KIF1A: variants seen among roughly 807,000 people sequenced by gnomAD.
KIF1A encodes kinesin family member 1A, also known as kinesin-like protein KIF1A.
A neutral mutation model predicts 227.3 loss-of-function variants in KIF1A; 46 were observed. The ratio of observed to expected loss-of-function variants is 0.20; its 90% confidence interval spans 0.16 to 0.26. The LOEUF is 0.26. Ranked by LOEUF, KIF1A falls within the 10% of genes least tolerant of loss-of-function variation. KIF1A has a pLI of 1.00. For missense variants in KIF1A, 1,683 were observed against 2,485.9 expected (o/e 0.68, Z 6.87); for synonymous variants, 1,022 against 1,012.8 (o/e 1.01, Z -0.17).
chr2:240,733,122 CCACAGGATGTGG>C (rs1458064913), intron 38 of KIF1A, among the ~76,000 whole-genome samples: 1 of 151,870 alleles, frequency 6.6e-6, no homozygotes, highest in African/African-American at 2.4e-5. Flanking sequence ...GCCTTTAATC[CCACAGGATGTGG>C]CTCACATGAG....
Position 240,726,864 on chromosome 2 carries a change from G to T in KIF1A, c.4084C>A (p.Arg1362=). 1 of 1,612,520 alleles carries T rather than the reference G, an allele frequency of 6.2e-7. No individual in the cohort carries two copies. Among genetic ancestry groups the T allele is most frequent in the Non-Finnish European group, 8.5e-7 (1 of 1,179,350 alleles). ...GAGAGTGTCATGTAGATTTTCTCTC[G>T]ATAAGGGGTGACCCGGTTCAGCAGG... ...SLLLNRVTPY[R]EKIYMTLSAY... The change falls in exon 39 of 49, where the codon CGA becomes AGA. Residue 1362 remains arginine (R), a synonymous_variant. Transcript: ENST00000498729. This position sits in a 1 kb window ranked among gnomAD's most constrained non-coding sequence, Gnocchi z 5.2.
rs67736580 is a variant in KIF1A, at chr2:240,766,722, ATCTCTCTCTCTC to A, written c.1684+181_1684+192del. 2.4e-5 allele frequency among the ~76,000 whole-genome samples: 3 copies of A among 122,638 alleles called. No homozygotes were observed. The highest frequency in any genetic ancestry group is 3.5e-5 in the African/African-American group (1 of 28,346). 80.5% of individuals were successfully genotyped at this position (122,638 alleles called of 152,430 possible). On this transcript the variant is annotated intron_variant, in intron 19 of 48. Transcript: ENST00000498729. The surrounding 1 kb of genome is among the most constrained non-coding windows in gnomAD (Gnocchi z 5.0). ...CCCAAATATCTCTCTCTCTCTCCAA[ATCTCTCTCTCTC>A]TCTCTCTCTCTCTCTCACACACACA...
intron 24 of KIF1A, 59 bp from the exon 25 acceptor site, chr2:240,760,902 CA>C: frequency 2.7e-6 from 4 of 1,494,070 alleles, no homozygotes; most frequent in Non-Finnish European, 3.6e-6. Context: ...GCCAGGTCCC[CA>C]AAAAGGCTTC....
In KIF1A at chr2:240,771,055, C is replaced by T. The variant is rs1316533228; in HGVS notation, c.1257G>A (p.Leu419=). The change falls in exon 15 of 49, where the codon CTG becomes CTA. Residue 419 remains leucine (L), a synonymous_variant. Coordinates refer to ENST00000498729, the MANE Select transcript of KIF1A (RefSeq NM_001244008.2). ...GMSPSSSLSA[L]SSRAASVSSL... is the part of the protein sequence containing the mutation. ...TGGACACGGAGGCCGCGCGGCTGGA[C>T]AGGGCTGAGAGCGAGGATGAGGGGC... 6.2e-7 allele frequency: 1 copy of T among 1,613,410 alleles called. No homozygotes were observed. Among genetic ancestry groups the T allele is most frequent in the South Asian group, 1.1e-5 (1 of 91,072 alleles).
chr2:240,797,928 T>C, intron 1 of KIF1A, 116 bp from the exon 2 acceptor site: 1 of 577,358 alleles, frequency 1.7e-6, no homozygotes, highest in South Asian at 2.2e-5. Context: ...CCCAGTGTGA[T>C]ACATGCATGG....
In KIF1A at chr2:240,792,268, T is replaced by C. The variant is rs1005400247; in HGVS notation, c.107-2956A>G. On this transcript the variant is annotated intron_variant, in intron 2 of 48. Transcript: ENST00000498729. The surrounding 1 kb of genome is among the most constrained non-coding windows in gnomAD (Gnocchi z 4.5). The stretch of plus-strand genomic sequence containing the variant: ...GATTCTGCTGGAGAAAGGGCTTTTT[T>C]TGCCAGGGTCTGGAATTTTTTCCTT... 6.6e-6 allele frequency among the ~76,000 whole-genome samples: 1 copy of C among 152,078 alleles called. No homozygotes were observed. Among genetic ancestry groups the C allele is most frequent in the Non-Finnish European group, 1.5e-5 (1 of 67,990 alleles).
At chr2:240,800,301 G>T (rs1311987906) in intron 1 of KIF1A, among the ~76,000 whole-genome samples, 2 of 152,206 alleles carry the variant, frequency 1.3e-5, no homozygotes, top group Non-Finnish European at 2.9e-5. Context: ...TGGCTCTGGG[G>T]TATGGAATAT....
At chr2:240,762,882 A>G (rs906841039) in intron 22 of KIF1A, 70 bp from the exon 23 acceptor site, 20 of 1,456,790 alleles carry the variant, frequency 1.4e-5, no homozygotes, top group East Asian at 2.5e-5. Context: ...GCGCCTAGAC[A>G]GTGGGCCTCA....
At position 240,775,704 on chromosome 2, in the gene KIF1A, G is replaced by C. The variant is rs1292016152; in HGVS notation, c.958+147C>G. 1 of 640,996 alleles carries C rather than the reference G, an allele frequency of 1.6e-6. No individual in the cohort carries two copies. Among genetic ancestry groups the C allele is most frequent in the African/African-American group, 1.8e-5 (1 of 55,038 alleles). The allele number at this position is 640,996 out of a possible 1,614,324, so 39.7% of individuals were successfully genotyped here. On this transcript the variant is annotated intron_variant, in intron 11 of 48. Transcript: ENST00000498729. This position sits in a 1 kb window ranked among gnomAD's most constrained non-coding sequence, Gnocchi z 5.5. ...AGGTCCTCCAGAAGGGCCACGAACT[G>C]ACTGGACCCTCCAGGTTCACCTCCC...
rs1489662743 is a variant in KIF1A, at chr2:240,741,293, A to G, written c.3725T>C (p.Ile1242Thr). ...CKYDLLVYFE[I>T]CELEANGDYI... ...CTCGCCGTTGGCCTCCAGCTCACAG[A>G]TCTCGAAGTAGACCAGCAGGTCGTA... Residue 1242 changes from isoleucine (I) to threonine (T), a missense_variant, in exon 35 of 49, where the codon ATC becomes ACC. Ile to Thr is a moderately conservative substitution (Grantham distance 89). This residue lies in a region of KIF1A where 759 missense variants were observed against 1,020.2 expected (regional missense o/e 0.74). Transcript: ENST00000498729. 1 of 1,598,058 alleles carries G rather than the reference A, an allele frequency of 6.3e-7. No individual in the cohort carries two copies. The highest frequency in any genetic ancestry group is 8.5e-7 in the Non-Finnish European group (1 of 1,174,898).
intron 47 of KIF1A, 25 bp from the exon 48 acceptor site, chr2:240,718,193 G>A (rs768599554): frequency 4.0e-6 from 6 of 1,499,086 alleles, no homozygotes; most frequent in Admixed American, 1.9e-5. Context: ...AGCTGGTGAG[G>A]AGGTGCCAGG....
chr2:240,763,832 G>A (rs2050822342), intron 20 of KIF1A, among the ~76,000 whole-genome samples: 1 of 152,190 alleles, frequency 6.6e-6, no homozygotes, highest in Admixed American at 6.5e-5. Flanking sequence ...CCTGTGCCCA[G>A]GGCTGGGGTC....
intron 38 of KIF1A, among the ~76,000 whole-genome samples, chr2:240,735,193 C>T (rs1056577114): frequency 3.9e-5 from 6 of 152,162 alleles, no homozygotes; most frequent in East Asian, 1.9e-4. Flanking sequence ...AAAGCCGCTT[C>T]GGGGAGGCCG....
intron 1 of KIF1A, among the ~76,000 whole-genome samples, chr2:240,800,630 TCCAG>T (rs2056887613): frequency 1.3e-5 from 2 of 152,306 alleles, no homozygotes; most frequent in East Asian, 3.9e-4. Flanking sequence ...AGGCCAAGAT[TCCAG>T]AAGACAGAGG....
chr2:240,731,314 G>A (rs1351951791), intron 38 of KIF1A, among the ~76,000 whole-genome samples: 6 of 152,126 alleles, frequency 3.9e-5, no homozygotes, highest in Non-Finnish European at 8.8e-5. Flanking sequence ...GGGAGGGGGT[G>A]GGGGCGCAGC....
chr2:240,737,386 T>C, intron 37 of KIF1A: 1 of 485,550 alleles, frequency 2.1e-6, no homozygotes, highest in Admixed American at 3.1e-5. Context: ...CTTGTCTGTC[T>C]CTCGGCCACA....
intron 14 of KIF1A, among the ~76,000 whole-genome samples, 168 bp downstream of exon 14, chr2:240,772,401 GA>G (rs2052127898): frequency 6.6e-6 from 1 of 152,160 alleles, no homozygotes; most frequent in Non-Finnish European, 1.5e-5. Context: ...CCACATCTAC[GA>G]GCAGGGCCCT....
intron 17 of KIF1A, 62 bp downstream of exon 17, chr2:240,769,071 A>G (rs1354341866): frequency 2.1e-6 from 3 of 1,443,832 alleles, no homozygotes; most frequent in Non-Finnish European, 2.9e-6. Context: ...TCTACCTGAG[A>G]CAGCACCTCA....
chr2:240,726,839 G>A lies in KIF1A; in HGVS notation c.4109C>T (p.Ser1370Phe). ...TAGGTGCCTTGCCTCGATATAAGCG[G>A]AGAGTGTCATGTAGATTTTCTCTCG... ...PYREKIYMTL[S>F]AYIEMENCTQ... Residue 1370 changes from serine to phenylalanine, a missense_variant, in exon 39 of 49, where the codon TCC becomes TTC. Physicochemically the swap from Ser to Phe is radical, Grantham distance 155 (BLOSUM62 -2). Transcript: ENST00000498729. The surrounding 1 kb of genome is among the most constrained non-coding windows in gnomAD (Gnocchi z 5.2). The A allele has an allele frequency of 1.2e-6, 2 of 1,608,334 alleles. No individual in the cohort carries two copies. The highest frequency in any genetic ancestry group is 1.7e-6 in the Non-Finnish European group (2 of 1,176,116).
Sources: gnomAD v4.1 joint callset for allele counts (sites outside exome capture counted in the v4.1 genomes callset) on GRCh38, gnomAD v4.1.1 for gene constraint, gnomAD v4.1.1 regional missense constraint, Gnocchi (gnomAD v3.1) non-coding constraint, MANE v1.5 for transcripts, NCBI Gene and HGNC (gene_info 2026-07-23, HGNC 2026-07-21) for gene names.